Variants in PIBF1 observed in about 807,000 individuals in gnomAD.
PIBF1 encodes progesterone immunomodulatory binding factor 1, also known as progesterone-induced-blocking factor 1.
Under a neutral mutation model 112.5 loss-of-function variants are expected in PIBF1, and 90 were observed. The observed-to-expected ratio is 0.80, with a 90% CI of 0.67 to 0.95. The LOEUF is 0.95. Among genes scored for constraint, PIBF1 ranks in the 40% least tolerant of loss-of-function variants. The pLI is 0.00. For synonymous variants in PIBF1, 301 were observed against 288.6 expected (o/e 1.04, Z -0.44); for missense variants, 915 against 852.3 (o/e 1.07, Z -0.92).
At chr13:72,939,810 T>C (rs2041965503) in intron 14 of PIBF1, among the ~76,000 whole-genome samples, 1 of 152,148 alleles carries the variant, frequency 6.6e-6, no homozygotes, top group Non-Finnish European at 1.5e-5. Context: ...GGTAAGGAAT[T>C]TGAGGTTGAC....
chr13:72,916,725 A>C (rs1252515036), intron 12 of PIBF1, among the ~76,000 whole-genome samples: 1 of 152,158 alleles, frequency 6.6e-6, no homozygotes, highest in Non-Finnish European at 1.5e-5. Flanking sequence ...AACAGAATTG[A>C]TGACTTTGAT....
At chr13:72,793,442 G>A (rs1011949412) in intron 3 of PIBF1, among the ~76,000 whole-genome samples, 1 of 152,142 alleles carries the variant, frequency 6.6e-6, no homozygotes, top group Non-Finnish European at 1.5e-5. Context: ...GAAGCCTACT[G>A]GATCCCACCC....
chr13:72,871,308 T>C (rs958706246), intron 10 of PIBF1, among the ~76,000 whole-genome samples: 2 of 152,142 alleles, frequency 1.3e-5, no homozygotes, highest in African/African-American at 4.8e-5. Flanking sequence ...TCTGTCTCTC[T>C]TTCTCTCTCT....
In PIBF1 at chr13:72,927,962, CATAT is replaced by C. The variant is rs1201066012; in HGVS notation, c.1731-3191_1731-3188del. Among the ~76,000 whole-genome samples, 73 of 101,340 alleles carry C rather than the reference CATAT, an allele frequency of 7.2e-4. 1 individual carries two copies. The highest frequency in any genetic ancestry group is 3.3e-3 in the African/African-American group (71 of 21,456). 66.5% of individuals were successfully genotyped at this position (101,340 alleles called of 152,430 possible). On this transcript the variant is annotated intron_variant, in intron 13 of 17. Coordinates refer to ENST00000326291, the MANE Select transcript of PIBF1 (RefSeq NM_006346.4). Reference sequence around the variant, plus strand: ...ATATGTGTGTATATATATATATACACATATATATATATATACATATATATATACA... The same window carrying C: ...ATATGTGTGTATATATATATATACACATATATATATACATATATATATACA...
At chr13:72,943,610 A>G (rs1041451787) in intron 14 of PIBF1, among the ~76,000 whole-genome samples, 3 of 152,192 alleles carry the variant, frequency 2.0e-5, no homozygotes, top group Non-Finnish European at 4.4e-5. Context: ...ATAGATGGCC[A>G]ATTTGATTCT....
intron 12 of PIBF1, among the ~76,000 whole-genome samples, chr13:72,911,419 A>T (rs536901767): frequency 3.8e-5 from 1 of 26,002 alleles, no homozygotes; most frequent in African/African-American, 2.4e-4. Context: ...AAATGGTGCT[A>T]AAAAAAAATT....
At chr13:72,814,910 T>C (rs1255199589) in intron 5 of PIBF1, among the ~76,000 whole-genome samples, 1 of 152,130 alleles carries the variant, frequency 6.6e-6, no homozygotes, top group Non-Finnish European at 1.5e-5. Context: ...CAACAAAATA[T>C]AGATTACTAA....
intron 10 of PIBF1, among the ~76,000 whole-genome samples, chr13:72,880,377 A>G (rs547322124): frequency 3.9e-5 from 6 of 152,368 alleles, no homozygotes; most frequent in East Asian, 1.9e-4. Flanking sequence ...GCCAGGAAAC[A>G]TACAAAGTCA....
Position 72,972,166 on chromosome 13 carries a change from T to C in PIBF1, c.1965-1425T>C, listed in dbSNP as rs80040309. Among the ~76,000 whole-genome samples, 1,061 of 151,904 alleles carry C rather than the reference T, an allele frequency of 7.0e-3. 15 individuals are homozygous for C. Among genetic ancestry groups the C allele is most frequent in the African/African-American group, 0.025 (1,023 of 41,434 alleles). On this transcript the variant is annotated intron_variant, in intron 15 of 17. Transcript: ENST00000326291. ...CTCCTACCTCATGCTTTGATGTAGC[T>C]GGGACTAAAGGTGCATGTCTCCACA... is the stretch of plus-strand genomic sequence containing the variant.
intron 16 of PIBF1, among the ~76,000 whole-genome samples, chr13:72,994,154 C>T (rs952185022): frequency 4.6e-5 from 7 of 151,414 alleles, no homozygotes; most frequent in Admixed American, 6.6e-5. Context: ...AGGTAGAGGC[C>T]GGAGGCGGGG....
chr13:72,799,422 TCTC>T (rs1350104861), intron 5 of PIBF1, among the ~76,000 whole-genome samples: 1 of 152,224 alleles, frequency 6.6e-6, no homozygotes, highest in Non-Finnish European at 1.5e-5. Flanking sequence ...CTTAGCTTCC[TCTC>T]CTCTGAGGAG....
chr13:72,809,151 T>A (rs77143493), intron 5 of PIBF1, among the ~76,000 whole-genome samples: 1 of 149,684 alleles, frequency 6.7e-6, no homozygotes, highest in Admixed American at 6.6e-5. Flanking sequence ...TTTTTTTTTT[T>A]TTTTAATTAA....
intron 5 of PIBF1, among the ~76,000 whole-genome samples, chr13:72,810,653 A>G (rs2035963578): frequency 6.6e-6 from 1 of 152,172 alleles, no homozygotes; most frequent in South Asian, 2.1e-4. Flanking sequence ...TATCCAAGTG[A>G]TGAGCTTAAA....
chr13:72,882,515 G>T (rs913251985), intron 10 of PIBF1, among the ~76,000 whole-genome samples: 2 of 152,210 alleles, frequency 1.3e-5, no homozygotes, highest in Non-Finnish European at 2.9e-5. Context: ...CAAAATGGGA[G>T]AAAAGATTTG....
intron 5 of PIBF1, among the ~76,000 whole-genome samples, chr13:72,821,445 A>G (rs977963080): frequency 3.9e-5 from 6 of 152,190 alleles, no homozygotes; most frequent in Admixed American, 1.3e-4. Context: ...ACTGATATCC[A>G]TATGACTTTT....
At chr13:72,798,336 C>T (rs1006458530) in intron 5 of PIBF1, among the ~76,000 whole-genome samples, 1 of 152,118 alleles carries the variant, frequency 6.6e-6, no homozygotes, top group Non-Finnish European at 1.5e-5. Context: ...TTAGATGACG[C>T]ATATGCATGT....
intron 9 of PIBF1, among the ~76,000 whole-genome samples, chr13:72,842,572 C>A (rs1352781307): frequency 1.3e-5 from 2 of 152,112 alleles, no homozygotes; most frequent in African/African-American, 4.8e-5. Context: ...AACTTTGAAT[C>A]TTGAATCTAT....
At chr13:72,978,115 A>G (rs936568034) in intron 16 of PIBF1, among the ~76,000 whole-genome samples, 2 of 152,204 alleles carry the variant, frequency 1.3e-5, no homozygotes, top group South Asian at 2.1e-4. Flanking sequence ...ATTCAGTAAA[A>G]TGTTCATAAA....
chr13:72,858,528 A>G (rs1176050785), intron 10 of PIBF1, among the ~76,000 whole-genome samples: 1 of 152,228 alleles, frequency 6.6e-6, no homozygotes, highest in Non-Finnish European at 1.5e-5. Context: ...ATGTAGTTGT[A>G]CAAAAGGAAG....
Sources: gnomAD v4.1 joint callset for allele counts (sites outside exome capture counted in the v4.1 genomes callset) on GRCh38, gnomAD v4.1.1 for gene constraint, MANE v1.5 for transcripts, NCBI Gene and HGNC (gene_info 2026-07-23, HGNC 2026-07-21) for gene names.